Variants in PTPRG observed in about 807,000 individuals in gnomAD.
The protein encoded by PTPRG is receptor-type tyrosine-protein phosphatase gamma.
A neutral mutation model predicts 165.3 loss-of-function variants in PTPRG; 102 were observed. That is an observed-to-expected ratio of 0.62 (90% CI 0.53 to 0.73). The LOEUF (loss-of-function observed/expected upper bound fraction) is 0.73. PTPRG is among the 30% of genes least tolerant of loss of function. The pLI is 0.00. For missense variants in PTPRG, 1,866 were observed against 1,861.4 expected (o/e 1.00, Z -0.05); for synonymous variants, 675 against 669.5 (o/e 1.01, Z -0.13).
intron 2 of PTPRG, among the ~76,000 whole-genome samples, chr3:61,856,557 AT>A (rs780233184): frequency 1.3e-5 from 2 of 151,832 alleles, no homozygotes; most frequent in Non-Finnish European, 1.5e-5. Context: ...TTTTTTTCTC[AT>A]TGCATGCATA....
At chr3:61,924,219 C>T (rs996138432) in intron 2 of PTPRG, among the ~76,000 whole-genome samples, 2 of 152,176 alleles carry the variant, frequency 1.3e-5, no homozygotes, top group African/African-American at 4.8e-5. Context: ...GTCCTTCTGT[C>T]TGCCAGAATG....
chr3:61,717,222 A>C (rs2031847393), intron 1 of PTPRG, among the ~76,000 whole-genome samples: 1 of 152,232 alleles, frequency 6.6e-6, no homozygotes, highest in Non-Finnish European at 1.5e-5. Flanking sequence ...ACAGGAAAGA[A>C]AAATAGTAGC....
In PTPRG at chr3:62,195,220, C is replaced by A; in HGVS notation, c.1327+50C>A. 6.8e-7 allele frequency: 1 copy of A among 1,473,152 alleles called. No individual in the cohort carries two copies. The highest frequency in any genetic ancestry group is 9.5e-7 in the Non-Finnish European group (1 of 1,052,248). The allele number at this position is 1,473,152 out of a possible 1,614,324, so 91.3% of individuals were successfully genotyped here. On this transcript the variant is annotated intron_variant, in intron 10 of 29. Transcript: ENST00000474889. The surrounding 1 kb of genome is among the most constrained non-coding windows in gnomAD (Gnocchi z 4.4). ...GCCGGGGTGCCCCTGAGACTCCCTC[C>A]CAATGCTTTCTGCTTCTTCCTGCTC...
intron 1 of PTPRG, among the ~76,000 whole-genome samples, chr3:61,730,287 G>GGT (rs1559578841): frequency 6.6e-6 from 1 of 152,120 alleles, no homozygotes; most frequent in Non-Finnish European, 1.5e-5. Context: ...GACCTTTATG[G>GGT]CTCAAACCAG....
intron 2 of PTPRG, among the ~76,000 whole-genome samples, chr3:61,840,849 T>C (rs2036611852): frequency 6.9e-6 from 1 of 144,786 alleles, no homozygotes; most frequent in Non-Finnish European, 1.5e-5. Context: ...AGTGGCAAGA[T>C]CTCTGCTCAC....
rs565610329 is a variant in PTPRG, at chr3:61,583,146, C to T, written c.85+20774C>T. Among the ~76,000 whole-genome samples, 11 of 152,316 alleles carry T rather than the reference C, an allele frequency of 7.2e-5. No individual in the cohort carries two copies. The South Asian group carries it at 2.3e-3, about 32-fold the overall frequency. The stretch of plus-strand genomic sequence containing the variant: ...CTGCCTTGTATCTTAGGTGCTTCCT[C>T]ATGGTATAAAGCCATTAGTGACTGC... On this transcript the variant is annotated intron_variant, in intron 1 of 29. Coordinates refer to ENST00000474889, the MANE Select transcript of PTPRG (RefSeq NM_002841.4).
chr3:61,895,903 C>G (rs976736744), intron 2 of PTPRG, among the ~76,000 whole-genome samples: 8 of 152,236 alleles, frequency 5.3e-5, no homozygotes, highest in Middle Eastern at 3.4e-3. Context: ...GGTTCACATA[C>G]AGTTGTAAAA....
chr3:61,907,737 G>A (rs960392394), intron 2 of PTPRG, among the ~76,000 whole-genome samples: 1 of 152,078 alleles, frequency 6.6e-6, no homozygotes, highest in Non-Finnish European at 1.5e-5. Flanking sequence ...ACTGTCAGTG[G>A]GACTTCTTTC....
At chr3:62,188,690 T>C (rs1427693817) in intron 8 of PTPRG, among the ~76,000 whole-genome samples, 1 of 152,168 alleles carries the variant, frequency 6.6e-6, no homozygotes, top group Non-Finnish European at 1.5e-5. Flanking sequence ...GTGACAGAAT[T>C]ATTTATGGGG....
intron 2 of PTPRG, among the ~76,000 whole-genome samples, chr3:61,826,295 C>G (rs2036108255): frequency 6.6e-6 from 1 of 152,072 alleles, no homozygotes; most frequent in Non-Finnish European, 1.5e-5. Flanking sequence ...TAGTGAATAT[C>G]AATGCTGATA....
chr3:62,147,135 G>T (rs1398809006), intron 6 of PTPRG, among the ~76,000 whole-genome samples: 1 of 152,104 alleles, frequency 6.6e-6, no homozygotes, highest in African/African-American at 2.4e-5. Context: ...TACTTCATAG[G>T]GTTATGAAGC....
intron 2 of PTPRG, among the ~76,000 whole-genome samples, chr3:61,760,889 T>G (rs2033812638): frequency 1.3e-5 from 2 of 152,178 alleles, no homozygotes; most frequent in Admixed American, 1.3e-4. Flanking sequence ...GGATGATGGC[T>G]TCCAGCTTCA....
At position 61,725,123 on chromosome 3, in the gene PTPRG, C is replaced by CTCAA. The variant is rs1421673382; in HGVS notation, c.86-23755_86-23754insTCAA. Among the ~76,000 whole-genome samples, 33 of 152,140 alleles carry CTCAA rather than the reference C, an allele frequency of 2.2e-4. 1 individual carries two copies. In the East Asian group the frequency reaches 2.3e-3, roughly 11 times the overall value. On this transcript the variant is annotated intron_variant, in intron 1 of 29. Coordinates refer to ENST00000474889, the MANE Select transcript of PTPRG (RefSeq NM_002841.4). The stretch of plus-strand genomic sequence containing the variant: ...GTTTCATACTTTACATTTAAATGTA[C>CTCAA]AATCCATTTTGAGTTAATTTTTGTG...
intron 2 of PTPRG, among the ~76,000 whole-genome samples, chr3:61,819,444 T>A (rs574134970): frequency 6.6e-6 from 1 of 152,090 alleles, no homozygotes; most frequent in Non-Finnish European, 1.5e-5. Flanking sequence ...TCCAGTGAAT[T>A]TGGGGAAGGA....
At chr3:61,935,317 G>A (rs1189614772) in intron 2 of PTPRG, among the ~76,000 whole-genome samples, 9 of 152,132 alleles carry the variant, frequency 5.9e-5, no homozygotes, top group African/African-American at 1.2e-4. Context: ...GACAGAATAC[G>A]TCCTGCTTCG....
chr3:62,035,379 G>T (rs1699907147), intron 4 of PTPRG, among the ~76,000 whole-genome samples: 1 of 152,204 alleles, frequency 6.6e-6, no homozygotes, highest in African/African-American at 2.4e-5. Flanking sequence ...GTGGGTTGGG[G>T]TGAGAAGGTG....
chr3:62,180,961 A>G (rs1440604897), intron 8 of PTPRG, among the ~76,000 whole-genome samples: 2 of 148,008 alleles, frequency 1.4e-5, no homozygotes, highest in East Asian at 3.9e-4. Flanking sequence ...CAGCAGAGAC[A>G]GCCAACAGGA....
chr3:61,657,386 A>G (rs1404168342), intron 1 of PTPRG, among the ~76,000 whole-genome samples: 1 of 152,060 alleles, frequency 6.6e-6, no homozygotes, highest in Non-Finnish European at 1.5e-5. Flanking sequence ...CCTGCTTTTG[A>G]TGTTCTCCCA....
chr3:61,776,037 C>G (rs1430164461), intron 2 of PTPRG, among the ~76,000 whole-genome samples: 6 of 151,482 alleles, frequency 4.0e-5, no homozygotes, highest in Admixed American at 6.6e-5. Context: ...TGTAACAAAC[C>G]TGCTCGTTGT....
Sources: allele counts gnomAD v4.1 joint callset (sites outside exome capture counted in the v4.1 genomes callset), GRCh38; gene constraint gnomAD v4.1.1; non-coding constraint Gnocchi (gnomAD v3.1); transcripts MANE v1.5; gene names NCBI Gene and HGNC (gene_info 2026-07-23, HGNC 2026-07-21).